Variants in DDX10 observed in about 807,000 individuals in gnomAD.
DDX10 encodes probable ATP-dependent RNA helicase DDX10.
In DDX10, 74 loss-of-function variants were observed where a neutral mutation model predicts 104.3. The observed-to-expected ratio is 0.71, with a 90% CI of 0.59 to 0.86. The LOEUF is 0.86. Among genes scored for constraint, DDX10 ranks in the 40% least tolerant of loss-of-function variants. The pLI, the probability that DDX10 is intolerant of heterozygous loss-of-function variation, is 0.00. For missense variants in DDX10, 952 were observed against 1,040.0 expected (o/e 0.92, Z 1.16); for synonymous variants, 351 against 353.4 (o/e 0.99, Z 0.08).
intron 9 of DDX10, among the ~76,000 whole-genome samples, chr11:108,697,238 T>C (rs1324145108): frequency 6.6e-6 from 1 of 151,810 alleles, no homozygotes; most frequent in East Asian, 1.9e-4. Flanking sequence ...TTTTTTTTTT[T>C]TTTTCTGGCA....
chr11:108,757,005 A>G (rs1565269131), intron 13 of DDX10, among the ~76,000 whole-genome samples: 2 of 152,014 alleles, frequency 1.3e-5, no homozygotes, highest in Non-Finnish European at 1.5e-5. Context: ...TGAAAAACAA[A>G]TGCAGTAAAC....
At chr11:108,668,418 A>G (rs2094212797) in intron 1 of DDX10, among the ~76,000 whole-genome samples, 1 of 152,134 alleles carries the variant, frequency 6.6e-6, no homozygotes, top group Non-Finnish European at 1.5e-5. Flanking sequence ...TTACTTCTTT[A>G]ATTTTAGAAA....
chr11:108,929,125 C>A (rs916337511), intron 17 of DDX10, among the ~76,000 whole-genome samples: 1 of 152,194 alleles, frequency 6.6e-6, no homozygotes. Context: ...TGATAAACTG[C>A]TAGTTTACCA....
chr11:108,841,540 T>C, intron 15 of DDX10, 64 bp downstream of exon 15: 1 of 1,373,534 alleles, frequency 7.3e-7, no homozygotes, highest in South Asian at 1.4e-5. Flanking sequence ...ATCTAAATAT[T>C]CATTAGCTAT....
At chr11:108,780,465 G>A (rs1437430393) in intron 13 of DDX10, among the ~76,000 whole-genome samples, 1 of 152,064 alleles carries the variant, frequency 6.6e-6, no homozygotes, top group Non-Finnish European at 1.5e-5. Flanking sequence ...TAGTCTGTCT[G>A]TTTAGGCCAG....
At chr11:108,873,946 A>G (rs1034007726) in intron 16 of DDX10, among the ~76,000 whole-genome samples, 1 of 152,186 alleles carries the variant, frequency 6.6e-6, no homozygotes, top group Non-Finnish European at 1.5e-5. Context: ...TTTCATTCAA[A>G]TAATTGCAAA....
chr11:108,804,339 C>T (rs74400593), intron 13 of DDX10, among the ~76,000 whole-genome samples: 4,858 of 151,590 alleles, frequency 0.032, 183 homozygotes, highest in African/African-American at 0.094. Context: ...CTGTACAAAA[C>T]AATAAAAAAA....
intron 9 of DDX10, among the ~76,000 whole-genome samples, chr11:108,700,477 A>C (rs1440346239): frequency 6.6e-6 from 1 of 152,244 alleles, no homozygotes; most frequent in Non-Finnish European, 1.5e-5. Flanking sequence ...CTAATAGCGC[A>C]GACCTGCAGC....
At chr11:108,723,880 A>G (rs1000506488) in intron 13 of DDX10, among the ~76,000 whole-genome samples, 2 of 152,174 alleles carry the variant, frequency 1.3e-5, no homozygotes, top group African/African-American at 4.8e-5. Flanking sequence ...TTAGTGCGAC[A>G]TTTGTTTATG....
intron 13 of DDX10, among the ~76,000 whole-genome samples, chr11:108,762,670 A>G (rs2094352091): frequency 6.6e-6 from 1 of 152,164 alleles, no homozygotes; most frequent in Non-Finnish European, 1.5e-5. Flanking sequence ...GGGCTAAGTA[A>G]ATGATCCTGA....
intron 16 of DDX10, among the ~76,000 whole-genome samples, chr11:108,890,065 A>G (rs1251740880): frequency 6.6e-6 from 1 of 152,168 alleles, no homozygotes; most frequent in Non-Finnish European, 1.5e-5. Flanking sequence ...GATCTTGGGT[A>G]TTTGTTATGG....
intron 13 of DDX10, among the ~76,000 whole-genome samples, chr11:108,778,161 A>G (rs925266958): frequency 2.0e-5 from 3 of 152,182 alleles, no homozygotes; most frequent in Admixed American, 2.0e-4. Flanking sequence ...ATCAAGCTCC[A>G]ATGACTTTCT....
chr11:108,929,249 T>G (rs945377696), intron 17 of DDX10, among the ~76,000 whole-genome samples: 1 of 151,658 alleles, frequency 6.6e-6, no homozygotes, highest in Non-Finnish European at 1.5e-5. Context: ...AGACAAGAGG[T>G]GGTGACAGGG....
intron 13 of DDX10, among the ~76,000 whole-genome samples, chr11:108,756,386 AC>A (rs2094344502): frequency 6.6e-6 from 1 of 152,038 alleles, no homozygotes; most frequent in African/African-American, 2.4e-5. Context: ...CAGATTGCAA[AC>A]ACAATGGAGT....
At chr11:108,695,614 A>AT (rs2094258683) in intron 9 of DDX10, among the ~76,000 whole-genome samples, 1 of 152,020 alleles carries the variant, frequency 6.6e-6, no homozygotes, top group South Asian at 2.1e-4. Context: ...TTTGAAGAAA[A>AT]TTTTTTTGTT....
chr11:108,794,319 T>C (rs967750819), intron 13 of DDX10, among the ~76,000 whole-genome samples: 2 of 152,190 alleles, frequency 1.3e-5, no homozygotes, highest in African/African-American at 4.8e-5. Flanking sequence ...TTGACAGTTA[T>C]GTAATCTTTG....
At chr11:108,844,295 G>A (rs1862682407) in intron 15 of DDX10, among the ~76,000 whole-genome samples, 1 of 151,990 alleles carries the variant, frequency 6.6e-6, no homozygotes, top group Admixed American at 6.5e-5. Context: ...AATTAGAATA[G>A]TTTTCTCTAT....
rs1412374276 is a variant in DDX10, at chr11:108,723,529, G to A, written c.1965+67G>A. ...TACTATGTGCTTATTGTTGCCTTTT[G>A]GGGACTGAGAGAAAGTGAAAACTAA... On this transcript the variant is annotated intron_variant, in intron 13 of 17. Transcript: ENST00000322536. The A allele has an allele frequency of 5.4e-6, 8 of 1,468,988 alleles. No homozygotes were observed. The African/African-American group carries it at 1.1e-4, about 21-fold the overall frequency. 91.0% of individuals were successfully genotyped at this position (1,468,988 alleles called of 1,614,324 possible).
At chr11:108,666,998 G>A (rs1432850124) in intron 1 of DDX10, among the ~76,000 whole-genome samples, 3 of 152,042 alleles carry the variant, frequency 2.0e-5, no homozygotes, top group Non-Finnish European at 2.9e-5. Flanking sequence ...ATATCCAGTC[G>A]GTCACACTGC....
Sources: allele counts gnomAD v4.1 joint callset (sites outside exome capture counted in the v4.1 genomes callset), GRCh38; gene constraint gnomAD v4.1.1; transcripts MANE v1.5; gene names NCBI Gene and HGNC (gene_info 2026-07-23, HGNC 2026-07-21).